Variants in FAM81B observed in about 807,000 individuals in gnomAD.
The protein encoded by FAM81B is family with sequence similarity 81 member B.
In FAM81B, 60 loss-of-function variants were observed where a neutral mutation model predicts 58.7. The ratio of observed to expected loss-of-function variants is 1.02; its 90% CI spans 0.83 to 1.27. The LOEUF (loss-of-function observed/expected upper bound fraction) is 1.27. FAM81B is among the 50% of genes most tolerant of loss of function. The pLI is 0.00. For missense variants in FAM81B, 491 were observed against 522.0 expected, an observed-to-expected ratio of 0.94 and a Z score of 0.58; for synonymous variants, 189 against 179.6, an observed-to-expected ratio of 1.05 and a Z score of -0.42.
At position 95,446,627 on chromosome 5, in the gene FAM81B, A is replaced by G. The variant is rs759605037; in HGVS notation, c.959A>G (p.Gln320Arg). Residue 320 changes from glutamine to arginine, a missense_variant, in exon 8 of 10, where the codon CAA (glutamine) becomes CGA (arginine). Physicochemically the swap from Gln to Arg is conservative, Grantham distance 43. Transcript: ENST00000283357. ...AATAATAAAAAATGGACAGAAAACC[A>G]ATTTCTCAAATATAGAAAAGACCAC... ...VENNKKWTENQFLKYRKDHLG... is the reference protein window; with the variant it reads ...VENNKKWTENRFLKYRKDHLG... 6.2e-7 allele frequency: 1 copy of G among 1,613,350 alleles called. No homozygotes were observed.
At position 95,392,807 on chromosome 5, in the gene FAM81B, C is replaced by T. The variant is rs370232854; in HGVS notation, c.138C>T (p.Asn46=). Residue 46 remains asparagine (N), a synonymous_variant, in exon 2 of 10, where the codon AAC becomes AAT. Coordinates refer to ENST00000283357, the MANE Select transcript of FAM81B (RefSeq NM_152548.3). ...ASIMSSDTNV[N]KSASPTATAE... The stretch of plus-strand genomic sequence containing the variant: ...CTGGTTACCTAGATACAAATGTAAA[C>T]AAAAGTGCCTCTCCAACTGCGACTG... 2.3e-4 allele frequency: 377 copies of T among 1,609,696 alleles called. 1 individual carries two copies. The highest frequency in any genetic ancestry group is 3.1e-4 in the Non-Finnish European group (362 of 1,177,922).
chr5:95,398,507 C>A (rs1038266852), intron 3 of FAM81B, among the ~76,000 whole-genome samples: 10 of 152,154 alleles, frequency 6.6e-5, no homozygotes, highest in Admixed American at 2.6e-4. Context: ...AATGGATTGA[C>A]ATGCAAACAG....
intron 2 of FAM81B, among the ~76,000 whole-genome samples, chr5:95,395,086 G>C (rs1020852386): frequency 6.6e-6 from 1 of 152,090 alleles, no homozygotes; most frequent in African/African-American, 2.4e-5. Flanking sequence ...TTCACCAATA[G>C]GCTATTAAAA....
At chr5:95,399,995 A>T (rs1405687713) in intron 3 of FAM81B, among the ~76,000 whole-genome samples, 1 of 152,224 alleles carries the variant, frequency 6.6e-6, no homozygotes, top group Non-Finnish European at 1.5e-5. Context: ...TCCATGCCTC[A>T]GTTTCCTCCT....
intron 5 of FAM81B, among the ~76,000 whole-genome samples, chr5:95,422,675 T>C (rs920625335): frequency 1.3e-5 from 2 of 152,210 alleles, no homozygotes; most frequent in African/African-American, 4.8e-5. Flanking sequence ...AAATGAAATA[T>C]AATTTGGTTC....
intron 5 of FAM81B, chr5:95,423,941 C>A (rs1196174252): frequency 4.3e-6 from 5 of 1,163,176 alleles, no homozygotes; most frequent in African/African-American, 1.6e-5. Flanking sequence ...TCGGGTGGGT[C>A]ATCGGAGAAA....
intron 6 of FAM81B, among the ~76,000 whole-genome samples, chr5:95,435,347 T>A (rs1162016669): frequency 6.6e-5 from 10 of 152,208 alleles, no homozygotes; most frequent in Admixed American, 6.5e-4. Flanking sequence ...ACTTCTAGTT[T>A]TAGCACAGTG....
intron 2 of FAM81B, among the ~76,000 whole-genome samples, chr5:95,394,693 G>C (rs370850545): frequency 1.3e-5 from 2 of 152,142 alleles, no homozygotes; most frequent in African/African-American, 4.8e-5. Flanking sequence ...TCAGCAATGC[G>C]GGGAGGGTAC....
At chr5:95,436,477 A>G (rs1352798445) in intron 6 of FAM81B, among the ~76,000 whole-genome samples, 2 of 152,232 alleles carry the variant, frequency 1.3e-5, no homozygotes, top group African/African-American at 2.4e-5. Flanking sequence ...AATATAATCA[A>G]ATTAACAGAC....
At chr5:95,446,504 C>T in intron 7 of FAM81B, 58 bp from the exon 8 acceptor site, 1 of 1,441,966 alleles carries the variant, frequency 6.9e-7, no homozygotes, top group South Asian at 1.4e-5. Context: ...TTTTTCAATA[C>T]TAATTTTTTA....
chr5:95,427,390 TC>T (rs934602635), intron 5 of FAM81B, among the ~76,000 whole-genome samples: 1 of 152,188 alleles, frequency 6.6e-6, no homozygotes, highest in Non-Finnish European at 1.5e-5. Context: ...CTGCTCCCAT[TC>T]TTGATCAGAC....
intron 5 of FAM81B, among the ~76,000 whole-genome samples, chr5:95,421,759 C>A (rs771223293): frequency 1.3e-5 from 2 of 152,180 alleles, no homozygotes; most frequent in South Asian, 2.1e-4. Flanking sequence ...AAGGCACTAG[C>A]CATGAAAGCC....
At chr5:95,449,889 T>G (rs1386654174) in intron 9 of FAM81B, among the ~76,000 whole-genome samples, 3 of 152,222 alleles carry the variant, frequency 2.0e-5, no homozygotes, top group African/African-American at 7.2e-5. Flanking sequence ...AATATAGAAT[T>G]ATGCAATATA....
At chr5:95,450,097 A>T (rs1354670322) in intron 9 of FAM81B, 52 bp from the exon 10 acceptor site, 1 of 1,536,078 alleles carries the variant, frequency 6.5e-7, no homozygotes, top group African/African-American at 1.4e-5. Context: ...CTTTTTTAAA[A>T]AAAAGCTCTA....
intron 8 of FAM81B, 92 bp downstream of exon 8, chr5:95,446,789 G>T: frequency 6.6e-7 from 1 of 1,507,260 alleles, no homozygotes; most frequent in Non-Finnish European, 9.0e-7. Flanking sequence ...CAACATTTAT[G>T]GTAATCTTCA....
chr5:95,448,682 C>A, intron 9 of FAM81B: 1 of 586,638 alleles, frequency 1.7e-6, no homozygotes, highest in South Asian at 1.8e-5. Flanking sequence ...ACAGGCCTGC[C>A]ATTGGTGTGA....
At chr5:95,431,319 C>G (rs1322412263) in intron 6 of FAM81B, among the ~76,000 whole-genome samples, 1 of 152,014 alleles carries the variant, frequency 6.6e-6, no homozygotes, top group Admixed American at 6.6e-5. Flanking sequence ...ATCCTTCGTC[C>G]ATTTGTAGTT....
intron 7 of FAM81B, among the ~76,000 whole-genome samples, chr5:95,439,236 G>GTA (rs577076287): frequency 0.16 from 17,086 of 104,948 alleles, 1,441 homozygotes; most frequent in East Asian, 0.24. Flanking sequence ...AGGTTAAAGA[G>GTA]TATATATATA....
At chr5:95,404,812 A>G (rs1316295319) in intron 3 of FAM81B, among the ~76,000 whole-genome samples, 2 of 152,232 alleles carry the variant, frequency 1.3e-5, no homozygotes, top group Non-Finnish European at 2.9e-5. Context: ...GATAGACAAT[A>G]AACAGAAACA....
Sources: allele counts gnomAD v4.1 joint callset (sites outside exome capture counted in the v4.1 genomes callset), GRCh38; gene constraint gnomAD v4.1.1; transcripts MANE v1.5; gene names NCBI Gene and HGNC (gene_info 2026-07-23, HGNC 2026-07-21).